The following HSD17B6 variants were observed in gnomAD, a reference collection of about 807,000 sequenced individuals.
HSD17B6 encodes the protein 17-beta-hydroxysteroid dehydrogenase type 6.
Under a neutral mutation model 26.4 loss-of-function variants are expected in HSD17B6, and 16 were observed. The ratio of observed to expected loss-of-function variants is 0.61; its 90% CI spans 0.41 to 0.92. HSD17B6 has a LOEUF of 0.92. Among genes scored for constraint, HSD17B6 ranks in the 40% least tolerant of loss-of-function variants. The pLI, the probability that HSD17B6 is intolerant of heterozygous loss-of-function variation, is 0.00. For synonymous variants in HSD17B6, 139 were observed against 153.0 expected (o/e 0.91, Z 0.68); for missense variants, 357 against 386.1 (o/e 0.92, Z 0.63).
chr12:56,769,784 C>T (rs1247790910), intron 1 of HSD17B6, among the ~76,000 whole-genome samples: 4 of 152,162 alleles, frequency 2.6e-5, no homozygotes, highest in Non-Finnish European at 4.4e-5. Flanking sequence ...AAGCAGGCCA[C>T]GCCACTTCGG....
At position 56,780,774 on chromosome 12, in the gene HSD17B6, G is replaced by C. The variant is rs900773905; in HGVS notation, c.314-1200G>C. On this transcript the variant is annotated intron_variant, in intron 2 of 4. Transcript: ENST00000322165. ...TAAGGCAGGAGAATGGGGTGAACCCGGGGGGTGGAGCTTGCAGTGAGTGGA... is the reference window on the plus strand; with the variant it reads ...TAAGGCAGGAGAATGGGGTGAACCCCGGGGGTGGAGCTTGCAGTGAGTGGA... 2.6e-4 allele frequency among the ~76,000 whole-genome samples: 40 copies of C among 151,504 alleles called. 1 individual carries two copies. The highest frequency in any genetic ancestry group is 1.8e-3 in the Admixed American group (27 of 15,186).
At chr12:56,783,600 C>T (rs1292380499) in intron 3 of HSD17B6, among the ~76,000 whole-genome samples, 1 of 143,072 alleles carries the variant, frequency 7.0e-6, no homozygotes, top group African/African-American at 2.6e-5. Flanking sequence ...GCTGACCCCC[C>T]CACCTCCCTC....
chr12:56,785,107 T>C, intron 4 of HSD17B6, 91 bp downstream of exon 4: 1 of 1,334,414 alleles, frequency 7.5e-7, no homozygotes, highest in Non-Finnish European at 1.0e-6. Context: ...CTGGGTAATT[T>C]ATAAAGAAAA....
intron 4 of HSD17B6, among the ~76,000 whole-genome samples, chr12:56,786,441 G>A (rs1343534423): frequency 6.6e-6 from 1 of 151,906 alleles, no homozygotes; most frequent in Non-Finnish European, 1.5e-5. Flanking sequence ...GTAGACATGG[G>A]GTTTCACCAT....
intron 3 of HSD17B6, among the ~76,000 whole-genome samples, chr12:56,784,385 C>T (rs1287049348): frequency 3.9e-5 from 6 of 152,182 alleles, no homozygotes; most frequent in South Asian, 2.1e-4. Flanking sequence ...AGCCTGGGCA[C>T]CATTGAGCAC....
Position 56,782,118 on chromosome 12 carries a change from G to A in HSD17B6, c.458G>A (p.Arg153Lys), listed in dbSNP as rs779625816. 1.9e-6 allele frequency: 3 copies of A among 1,614,186 alleles called. No individual in the cohort carries two copies. The highest frequency in any genetic ancestry group is 2.2e-5 in the South Asian group (2 of 91,086). Reference sequence around the variant, plus strand: ...ACCTTGAGCATGCTTCCTTTGGTGAGGAGAGCACGGGGAAGAATTGTCAAT... The same window carrying A: ...ACCTTGAGCATGCTTCCTTTGGTGAAGAGAGCACGGGGAAGAATTGTCAAT... ...QVTLSMLPLV[R>K]RARGRIVNVS... Residue 153 changes from arginine to lysine, a missense_variant, in exon 3 of 5, where the codon AGG (arginine) becomes AAG (lysine). Coordinates refer to ENST00000322165, the MANE Select transcript of HSD17B6 (RefSeq NM_003725.4).
intron 1 of HSD17B6, among the ~76,000 whole-genome samples, chr12:56,768,188 T>TA (rs1954385712): frequency 6.6e-6 from 1 of 151,990 alleles, no homozygotes; most frequent in African/African-American, 2.4e-5. Context: ...AAGAATCAGA[T>TA]AAAATCATAA....
chr12:56,784,733 T>C, intron 3 of HSD17B6, 120 bp from the exon 4 acceptor site: 1 of 1,045,410 alleles, frequency 9.6e-7, no homozygotes, highest in Non-Finnish European at 1.4e-6. Flanking sequence ...GAGGGAGATT[T>C]CTTTATTCTT....
In HSD17B6 at chr12:56,787,200, C is replaced by T; in HGVS notation, c.812C>T (p.Ala271Val). The T allele has an allele frequency of 6.2e-7, 1 of 1,614,174 alleles. No homozygotes were observed. The highest frequency in any genetic ancestry group is 2.2e-5 in the East Asian group (1 of 44,884). ...CTGGTCACTGACTGCATGGAACATG[C>T]TCTGACATCGGTGCATCCGCGAACT... is the stretch of plus-strand genomic sequence containing the variant. ...LNLVTDCMEH[A>V]LTSVHPRTRY... is the part of the protein sequence containing the mutation. Residue 271 changes from alanine (A) to valine (V), a missense_variant, in exon 5 of 5, where the codon GCT becomes GTT. Transcript: ENST00000322165.
At chr12:56,776,736 T>C (rs1954602982) in intron 2 of HSD17B6, among the ~76,000 whole-genome samples, 1 of 152,126 alleles carries the variant, frequency 6.6e-6, no homozygotes, top group South Asian at 2.1e-4. Flanking sequence ...ACTGCAGCAC[T>C]GAACTTCTGG....
rs754881774 is a variant in HSD17B6 at position 56,787,265 on chromosome 12, C to T, written c.877C>T (p.Pro293Ser). 6.2e-7 allele frequency: 1 copy of T among 1,614,078 alleles called. No homozygotes were observed. Among genetic ancestry groups the T allele is most frequent in the Non-Finnish European group, 8.5e-7 (1 of 1,179,962 alleles). The change falls in exon 5 of 5, where the codon CCT becomes TCT. Residue 293 changes from proline (P) to serine (S), a missense_variant. Physicochemically the swap from Pro to Ser is moderately conservative, Grantham distance 74. Coordinates refer to ENST00000322165, the MANE Select transcript of HSD17B6 (RefSeq NM_003725.4). ...CTGGGATGCTAAATTTTTCTTCATC[C>T]CTCTATCTTATTTACCTACATCACT... is the stretch of plus-strand genomic sequence containing the variant. ...AGWDAKFFFI[P>S]LSYLPTSLAD... is the part of the protein sequence containing the mutation.
At chr12:56,786,249 GTTTT>G (rs56722036) in intron 4 of HSD17B6, among the ~76,000 whole-genome samples, 1 of 127,126 alleles carries the variant, frequency 7.9e-6, no homozygotes, top group African/African-American at 2.9e-5. Context: ...TAAGTTGTGT[GTTTT>G]TTTTTTTTTT....
intron 1 of HSD17B6, among the ~76,000 whole-genome samples, chr12:56,769,778 A>G (rs1954430265): frequency 6.6e-6 from 1 of 152,218 alleles, no homozygotes. Context: ...AAAAGCAAGC[A>G]GGCCACGCCA....
chr12:56,775,627 C>T (rs568748596), intron 2 of HSD17B6, among the ~76,000 whole-genome samples: 3 of 151,928 alleles, frequency 2.0e-5, no homozygotes, highest in South Asian at 4.1e-4. Context: ...CCTATATACC[C>T]CCTCAACAAT....
At chr12:56,780,452 C>G (rs1480095830) in intron 2 of HSD17B6, among the ~76,000 whole-genome samples, 1 of 152,194 alleles carries the variant, frequency 6.6e-6, no homozygotes, top group African/African-American at 2.4e-5. Context: ...TCCAAACAAG[C>G]ATTAGGTCAT....
chr12:56,777,880 G>A (rs1329629108), intron 2 of HSD17B6, among the ~76,000 whole-genome samples: 1 of 152,078 alleles, frequency 6.6e-6, no homozygotes, highest in East Asian at 1.9e-4. Flanking sequence ...ATAAAATATT[G>A]CTTCTTGTCT....
chr12:56,763,358 G>A lies in HSD17B6; in HGVS notation c.-76G>A, dbSNP rs1028818112. ...GGCAGGAGGAAGCCGACTGCTGCCT[G>A]GTCTGCAAAGAAGTCCTTTCAAGTC... On this transcript the variant is annotated 5_prime_UTR_variant, in exon 1 of 5. Transcript: ENST00000322165. The A allele has an allele frequency of 2.0e-5, 3 of 151,932 alleles. No individual in the cohort carries two copies. Among genetic ancestry groups the A allele is most frequent in the Non-Finnish European group, 4.4e-5 (3 of 68,140 alleles). 9.4% of individuals were successfully genotyped at this position (151,932 alleles called of 1,614,324 possible). A position where few individuals can be genotyped will look rare whatever the true frequency, so the allele number is the denominator to read the frequency against.
intron 3 of HSD17B6, among the ~76,000 whole-genome samples, chr12:56,782,446 C>T (rs1283428518): frequency 1.3e-5 from 2 of 152,138 alleles, no homozygotes; most frequent in African/African-American, 4.8e-5. Context: ...TGTGTTTTGA[C>T]CCAGGTCTTT....
chr12:56,783,799 C>T (rs1266851338), intron 3 of HSD17B6, among the ~76,000 whole-genome samples: 93 of 146,706 alleles, frequency 6.3e-4, no homozygotes, highest in Middle Eastern at 3.8e-3. Context: ...CCGGACGGGG[C>T]GGCTGGCCGG....
Sources: allele counts gnomAD v4.1 joint callset (sites outside exome capture counted in the v4.1 genomes callset), GRCh38; gene constraint gnomAD v4.1.1; transcripts MANE v1.5; gene names NCBI Gene and HGNC (gene_info 2026-07-23, HGNC 2026-07-21).